The following DGKB variants were observed in gnomAD, a reference collection of about 807,000 sequenced individuals.
The protein encoded by DGKB is 90 kDa diacylglycerol kinase.
In DGKB, 67 loss-of-function variants were observed where a neutral mutation model predicts 114.3. The ratio of observed to expected loss-of-function variants is 0.59; its 90% confidence interval spans 0.48 to 0.72. The LOEUF is 0.72. Among genes scored for constraint, DGKB ranks in the 30% least tolerant of loss-of-function variants. The probability of loss-of-function intolerance (pLI) is 0.00; values close to 1 mark genes in which losing one functional copy is unlikely to be tolerated. For missense variants in DGKB, 907 were observed against 975.2 expected (o/e 0.93, Z 0.93); for synonymous variants, 398 against 323.1 (o/e 1.23, Z -2.49).
intron 21 of DGKB, among the ~76,000 whole-genome samples, chr7:14,399,492 A>G (rs6461097): frequency 1 from 151,748 of 151,764 alleles, 75,866 homozygotes; most frequent in African/African-American, 1. Context: ...TTACAAAGCC[A>G]TTCATCCTGA....
At chr7:14,380,687 C>T (rs1231375633) in intron 21 of DGKB, among the ~76,000 whole-genome samples, 1 of 152,140 alleles carries the variant, frequency 6.6e-6, no homozygotes, top group African/African-American at 2.4e-5. Context: ...TTTCATCACA[C>T]ATTGATTAAA....
At chr7:14,205,151 G>A (rs1404818267) in intron 23 of DGKB, among the ~76,000 whole-genome samples, 1 of 151,940 alleles carries the variant, frequency 6.6e-6, no homozygotes, top group Non-Finnish European at 1.5e-5. Context: ...CTGTCACTGT[G>A]TATTCATGTG....
intron 18 of DGKB, among the ~76,000 whole-genome samples, chr7:14,581,534 A>T (rs924179246): frequency 6.6e-6 from 1 of 152,204 alleles, no homozygotes; most frequent in Non-Finnish European, 1.5e-5. Context: ...TTTCCATGAG[A>T]TTAATCTTTA....
intron 25 of DGKB, among the ~76,000 whole-genome samples, chr7:14,154,356 C>T (rs115676921): frequency 0.015 from 2,305 of 151,802 alleles, 62 homozygotes; most frequent in African/African-American, 0.052. Flanking sequence ...TTGATTTAAA[C>T]AAAATTATTA....
In DGKB at chr7:14,290,918, T is replaced by C. The variant is rs143151934; in HGVS notation, c.2122+47597A>G. On this transcript the variant is annotated intron_variant, in intron 23 of 25. Coordinates refer to ENST00000402815, the MANE Select transcript of DGKB (RefSeq NM_001350709.2). ...AGCACTTGGGAGGTTGAGGTGGGTG[T>C]ATCACCTGAGCTCAGGAGTTCGAGA... Among the ~76,000 whole-genome samples the C allele has an allele frequency of 4.0e-5, 6 of 151,154 alleles. No individual in the cohort carries two copies. In the East Asian group the frequency reaches 9.8e-4, roughly 25 times the overall value.
At chr7:14,387,337 A>G (rs1820547226) in intron 21 of DGKB, among the ~76,000 whole-genome samples, 1 of 148,692 alleles carries the variant, frequency 6.7e-6, no homozygotes, top group Non-Finnish European at 1.5e-5. Context: ...TGCTTGAATC[A>G]GGGAGTCGGA....
intron 20 of DGKB, among the ~76,000 whole-genome samples, chr7:14,506,118 C>CA (rs1274453346): frequency 6.6e-6 from 1 of 152,080 alleles, no homozygotes. Context: ...AAGACTACAA[C>CA]AAAACACTTC....
At chr7:14,744,569 T>A (rs2128418662) in intron 4 of DGKB, among the ~76,000 whole-genome samples, 1 of 152,336 alleles carries the variant, frequency 6.6e-6, no homozygotes, top group Non-Finnish European at 1.5e-5. Context: ...AACCCATGGC[T>A]GGGCTGGGCT....
chr7:14,397,506 T>G (rs1822409053), intron 21 of DGKB, among the ~76,000 whole-genome samples: 1 of 152,144 alleles, frequency 6.6e-6, no homozygotes, highest in Non-Finnish European at 1.5e-5. Flanking sequence ...ATCACCTCTC[T>G]GAGAGTCTAG....
intron 17 of DGKB, among the ~76,000 whole-genome samples, chr7:14,600,623 G>A (rs1206611361): frequency 3.3e-5 from 5 of 152,154 alleles, no homozygotes; most frequent in Admixed American, 6.5e-5. Context: ...AATGGTGTAC[G>A]ATAGAATGGA....
chr7:14,655,720 C>T (rs943819724), intron 13 of DGKB, among the ~76,000 whole-genome samples: 2 of 151,342 alleles, frequency 1.3e-5, no homozygotes, highest in African/African-American at 4.8e-5. Context: ...AGAAATGGGA[C>T]GTTGTCATTT....
chr7:14,261,232 T>C (rs1375675958), intron 23 of DGKB, among the ~76,000 whole-genome samples: 1 of 151,278 alleles, frequency 6.6e-6, no homozygotes, highest in Non-Finnish European at 1.5e-5. Flanking sequence ...GTGGGAAAAA[T>C]CTGTCATTTC....
At chr7:14,320,324 G>T (rs917881489) in intron 23 of DGKB, among the ~76,000 whole-genome samples, 1 of 152,118 alleles carries the variant, frequency 6.6e-6, no homozygotes, top group African/African-American at 2.4e-5. Context: ...TGGGCCCTGT[G>T]ATTTCATTAT....
upstream of DGKB, among the ~76,000 whole-genome samples, chr7:14,904,753 C>A (rs116352345): frequency 0.015 from 2,227 of 152,216 alleles, 55 homozygotes; most frequent in African/African-American, 0.051. Context: ...AGCTATTTTT[C>A]TCTTCATTTG....
chr7:14,644,116 C>CAA (rs35685758), intron 13 of DGKB, among the ~76,000 whole-genome samples: 11,224 of 138,776 alleles, frequency 0.081, 637 homozygotes, highest in African/African-American at 0.18. Flanking sequence ...TGATTACAGG[C>CAA]AAAAAAAAAA....
intron 2 of DGKB, among the ~76,000 whole-genome samples, chr7:14,835,052 T>G (rs1379098034): frequency 6.6e-6 from 1 of 152,016 alleles, no homozygotes; most frequent in South Asian, 2.1e-4. Flanking sequence ...AAAGAATATA[T>G]GAAGCCAACA....
intron 21 of DGKB, among the ~76,000 whole-genome samples, chr7:14,453,066 T>A (rs186429401): frequency 6.6e-6 from 1 of 152,304 alleles, no homozygotes; most frequent in Admixed American, 6.5e-5. Flanking sequence ...ACACATATAG[T>A]GATTACTACG....
intron 20 of DGKB, among the ~76,000 whole-genome samples, chr7:14,562,266 G>A (rs1796773268): frequency 6.6e-6 from 1 of 152,186 alleles, no homozygotes. Context: ...GGATATCCAG[G>A]AAGAAGTTTG....
chr7:14,344,045 TATAG>T (rs1304704091), intron 22 of DGKB, among the ~76,000 whole-genome samples: 1 of 148,786 alleles, frequency 6.7e-6, no homozygotes, highest in Non-Finnish European at 1.5e-5. Context: ...ACAATTATTA[TATAG>T]ATATACATGC....
Sources: allele counts gnomAD v4.1 joint callset (sites outside exome capture counted in the v4.1 genomes callset), GRCh38; gene constraint gnomAD v4.1.1; transcripts MANE v1.5; gene names NCBI Gene and HGNC (gene_info 2026-07-23, HGNC 2026-07-21).